EXOC4: variants seen among roughly 807,000 people sequenced by gnomAD.
The protein encoded by EXOC4 is SEC8-like 1.
Under a neutral mutation model 107.2 loss-of-function variants are expected in EXOC4, and 71 were observed. The observed-to-expected ratio is 0.66, with a 90% confidence interval of 0.55 to 0.81. The LOEUF (loss-of-function observed/expected upper bound fraction) is 0.81. EXOC4 is among the 30% of genes least tolerant of loss of function. The pLI is 0.00. For missense variants in EXOC4, 1,108 were observed against 1,189.6 expected (o/e 0.93, Z 1.01); for synonymous variants, 456 against 441.2 (o/e 1.03, Z -0.42).
chr7:133,609,670 G>T (rs1802032635), intron 9 of EXOC4, among the ~76,000 whole-genome samples: 1 of 152,180 alleles, frequency 6.6e-6, no homozygotes, highest in African/African-American at 2.4e-5. Flanking sequence ...ATTTTATCCT[G>T]GGGATGGGGG....
intron 13 of EXOC4, chr7:133,930,641 C>G (rs973537399): frequency 6.6e-6 from 1 of 151,980 alleles, no homozygotes; most frequent in Non-Finnish European, 1.5e-5. Context: ...GGTTCCTGCC[C>G]TCTGTGCCAC....
chr7:133,517,728 G>A (rs543804138), intron 9 of EXOC4, among the ~76,000 whole-genome samples: 5 of 152,180 alleles, frequency 3.3e-5, no homozygotes, highest in East Asian at 3.9e-4. Context: ...CCCACAATAC[G>A]TGGTAATTAA....
At chr7:133,813,690 T>A (rs2151211072) in intron 10 of EXOC4, among the ~76,000 whole-genome samples, 1 of 152,270 alleles carries the variant, frequency 6.6e-6, no homozygotes, top group East Asian at 1.9e-4. Context: ...AAAGATCCAT[T>A]ATATTTTGGT....
intron 14 of EXOC4, among the ~76,000 whole-genome samples, chr7:133,978,842 T>C (rs1185136256): frequency 6.6e-6 from 1 of 152,062 alleles, no homozygotes; most frequent in East Asian, 1.9e-4. Context: ...CTTTTGGGAG[T>C]ACATCTCAAT....
downstream of EXOC4, among the ~76,000 whole-genome samples, chr7:134,070,509 T>G (rs1425496939): frequency 6.6e-6 from 1 of 152,152 alleles, no homozygotes; most frequent in Admixed American, 6.5e-5. Context: ...GGAACTGAGC[T>G]GGAAATTTCT....
At chr7:133,914,222 A>G (rs10264922) in intron 12 of EXOC4, among the ~76,000 whole-genome samples, 70,962 of 151,084 alleles carry the variant, frequency 0.47, 17,877 homozygotes, top group African/African-American at 0.66. Flanking sequence ...AACTTTAAAA[A>G]TATTTTAAAT....
At chr7:133,873,203 T>G (rs1052631540) in intron 11 of EXOC4, among the ~76,000 whole-genome samples, 1 of 152,208 alleles carries the variant, frequency 6.6e-6, no homozygotes, top group South Asian at 2.1e-4. Flanking sequence ...CACTCTGGCC[T>G]AGGTGGCAGA....
chr7:133,377,364 A>AT (rs1225113836), intron 7 of EXOC4, among the ~76,000 whole-genome samples: 1 of 152,098 alleles, frequency 6.6e-6, no homozygotes, highest in Non-Finnish European at 1.5e-5. Context: ...AAATAAATAA[A>AT]TAAATAAATA....
intron 7 of EXOC4, among the ~76,000 whole-genome samples, chr7:133,424,285 T>A (rs1357093326): frequency 3.3e-5 from 5 of 152,090 alleles, no homozygotes; most frequent in Non-Finnish European, 7.4e-5. Context: ...ACACTCACTG[T>A]GAAGTTGTGC....
intron 10 of EXOC4, among the ~76,000 whole-genome samples, chr7:133,802,062 G>GGACCAT (rs1796957344): frequency 6.6e-6 from 1 of 152,148 alleles, no homozygotes; most frequent in African/African-American, 2.4e-5. Context: ...TTGAACCTGT[G>GGACCAT]GACCATGTAT....
chr7:133,800,518 A>T (rs1471726061), intron 10 of EXOC4, among the ~76,000 whole-genome samples: 1 of 152,202 alleles, frequency 6.6e-6, no homozygotes, highest in Non-Finnish European at 1.5e-5. Flanking sequence ...TTTTAATAAC[A>T]TTCCTTTTTT....
intron 10 of EXOC4, among the ~76,000 whole-genome samples, chr7:133,710,399 G>A (rs533656906): frequency 2.0e-5 from 3 of 152,150 alleles, no homozygotes; most frequent in East Asian, 1.9e-4. Context: ...GGTGGCTCAC[G>A]CCTGTAATCC....
chr7:134,072,733 A>G, the EXOC4 span, among the ~76,000 whole-genome samples: 1 of 152,208 alleles, frequency 6.6e-6, no homozygotes, highest in East Asian at 1.9e-4. Flanking sequence ...GATAACAGTG[A>G]TACTAATAGC....
chr7:133,791,954 A>G (rs1796711385), intron 10 of EXOC4, among the ~76,000 whole-genome samples: 1 of 152,168 alleles, frequency 6.6e-6, no homozygotes, highest in Non-Finnish European at 1.5e-5. Flanking sequence ...AACATCATTG[A>G]ACATTGTTTT....
intron 9 of EXOC4, among the ~76,000 whole-genome samples, chr7:133,608,552 T>TC (rs2150994269): frequency 7.0e-6 from 1 of 142,396 alleles, no homozygotes; most frequent in South Asian, 2.4e-4. Flanking sequence ...ATTTCTTTTT[T>TC]TTTTTTTTTT....
intron 11 of EXOC4, among the ~76,000 whole-genome samples, chr7:133,862,370 C>T (rs572493097): frequency 6.6e-6 from 1 of 152,130 alleles, no homozygotes; most frequent in East Asian, 1.9e-4. Context: ...TGCCTCCCAG[C>T]TACTCAGAAG....
chr7:133,637,862 A>G (rs1174515790), intron 10 of EXOC4, among the ~76,000 whole-genome samples: 1 of 152,198 alleles, frequency 6.6e-6, no homozygotes, highest in Non-Finnish European at 1.5e-5. Flanking sequence ...ACATATGGCT[A>G]AACACCGATT....
chr7:133,778,500 C>A (rs1796393121), intron 10 of EXOC4, among the ~76,000 whole-genome samples: 1 of 152,130 alleles, frequency 6.6e-6, no homozygotes, highest in Non-Finnish European at 1.5e-5. Context: ...GGGAGGATGG[C>A]TTGGGCCCAG....
At chr7:133,922,569 G>A (rs1029359228) in intron 13 of EXOC4, among the ~76,000 whole-genome samples, 10 of 152,132 alleles carry the variant, frequency 6.6e-5, no homozygotes, top group South Asian at 4.2e-4. Flanking sequence ...ATACATGGCC[G>A]GGCGCGGTGG....
Sources: allele counts gnomAD v4.1 joint callset (sites outside exome capture counted in the v4.1 genomes callset), GRCh38; gene constraint gnomAD v4.1.1; transcripts MANE v1.5; gene names NCBI Gene and HGNC (gene_info 2026-07-23, HGNC 2026-07-21).